The following DCUN1D4 variants were observed in gnomAD, a reference collection of about 807,000 sequenced individuals.
The protein encoded by DCUN1D4 is DCN1-like protein 4.
A neutral mutation model predicts 47.9 loss-of-function variants in DCUN1D4; 22 were observed. The ratio of observed to expected loss-of-function variants is 0.46; its 90% CI spans 0.33 to 0.66. The LOEUF is 0.66. Among genes scored for constraint, DCUN1D4 ranks in the 30% least tolerant of loss-of-function variants. The pLI, the probability that DCUN1D4 is intolerant of heterozygous loss-of-function variation, is 0.02. For synonymous variants in DCUN1D4, 121 were observed against 112.2 expected, an observed-to-expected ratio of 1.08 and a Z score of -0.50; for missense variants, 301 against 340.8, an observed-to-expected ratio of 0.88 and a Z score of 0.92.
chr4:51,900,565 A>C (rs1387314981), intron 8 of DCUN1D4, among the ~76,000 whole-genome samples: 1 of 152,154 alleles, frequency 6.6e-6, no homozygotes, highest in Non-Finnish European at 1.5e-5. Flanking sequence ...CTGTCTCTAT[A>C]CAAAACAAAT....
At chr4:51,854,273 G>A (rs1383197845) in intron 1 of DCUN1D4, among the ~76,000 whole-genome samples, 1 of 151,988 alleles carries the variant, frequency 6.6e-6, no homozygotes, top group Non-Finnish European at 1.5e-5. Flanking sequence ...ACTTTTTTAT[G>A]GTTTTGACAT....
upstream of DCUN1D4, chr4:51,842,928 C>T: frequency 1.5e-6 from 1 of 678,572 alleles, no homozygotes; most frequent in Non-Finnish European, 2.1e-6. Context: ...CCGGGCCCAA[C>T]CCGCTGCTCC....
intron 5 of DCUN1D4, among the ~76,000 whole-genome samples, chr4:51,882,159 A>G (rs1282817667): frequency 6.6e-6 from 1 of 152,230 alleles, no homozygotes; most frequent in Admixed American, 6.5e-5. Context: ...ACATGTATTT[A>G]TAAGTAGTAC....
At chr4:51,834,011 T>C in the DCUN1D4 span, among the ~76,000 whole-genome samples, 1 of 150,014 alleles carries the variant, frequency 6.7e-6, no homozygotes, top group Admixed American at 6.6e-5. Context: ...TTTTAGGTTT[T>C]GGTGTTGAGC....
intron 8 of DCUN1D4, among the ~76,000 whole-genome samples, chr4:51,906,162 G>A (rs559659451): frequency 1.3e-5 from 2 of 152,120 alleles, no homozygotes; most frequent in African/African-American, 4.8e-5. Flanking sequence ...CTTGTGGCAG[G>A]TTAGAGAGCA....
chr4:51,848,268 T>G (rs1014393296), intron 1 of DCUN1D4: 24 of 1,289,268 alleles, frequency 1.9e-5, no homozygotes, highest in Non-Finnish European at 2.4e-5. Flanking sequence ...GCTGGTGATG[T>G]GCTGAGGGAA....
chr4:51,913,515 C>G lies in DCUN1D4; in HGVS notation c.824-14C>G. ...TATTATTATTATTACTACTGTTTCT[C>G]TCTTTCTCTCCAGGGCCAGTTTTGT... On this transcript the variant is annotated splice_polypyrimidine_tract_variant and intron_variant, in intron 10 of 10. Transcript: ENST00000334635. 1 of 1,609,892 alleles carries G rather than the reference C, an allele frequency of 6.2e-7. No homozygotes were observed. The highest frequency in any genetic ancestry group is 1.3e-5 in the African/African-American group (1 of 74,894).
chr4:51,846,938 G>A (rs1228089719), intron 1 of DCUN1D4, among the ~76,000 whole-genome samples: 1 of 152,176 alleles, frequency 6.6e-6, no homozygotes, highest in Non-Finnish European at 1.5e-5. Context: ...GAAGGAAGGT[G>A]CATATTTCCT....
chr4:51,915,038 G>A lies in DCUN1D4; in HGVS notation c.*1454G>A, dbSNP rs1734196829. The A allele has an allele frequency of 6.6e-6, 1 of 152,380 alleles. No homozygotes were observed. Among genetic ancestry groups the A allele is most frequent in the African/African-American group, 2.4e-5 (1 of 41,400 alleles). 9.4% of individuals were successfully genotyped at this position (152,380 alleles called of 1,614,324 possible). A position where few individuals can be genotyped will look rare whatever the true frequency, so the allele number is the denominator to read the frequency against. ...TCCGTGATTTGAACATGTGATGACT[G>A]GAAAAAGGTTTGGGTTATTTGGAAC... On this transcript the variant is annotated 3_prime_UTR_variant, in exon 11 of 11. Transcript: ENST00000334635.
chr4:51,912,845 T>A (rs551977768), intron 9 of DCUN1D4, among the ~76,000 whole-genome samples: 1 of 152,242 alleles, frequency 6.6e-6, no homozygotes, highest in African/African-American at 2.4e-5. Context: ...TGGGCAGTGC[T>A]GGTTATGTCA....
At position 51,913,562 on chromosome 4, in the gene DCUN1D4, A is replaced by G. The variant is rs765661497; in HGVS notation, c.857A>G (p.Tyr286Cys). ...TTGTTGGACGAGTTTGTGGAGTGGTATAAAGACAAACAGATGTCCTAGGAC... is the reference window on the plus strand; with the variant it reads ...TTGTTGGACGAGTTTGTGGAGTGGTGTAAAGACAAACAGATGTCCTAGGAC... ...PVLLDEFVEW[Y>C]KDKQMS The change falls in exon 11 of 11, where the codon TAT (tyrosine) becomes TGT (cysteine). Residue 286 changes from tyrosine (Y) to cysteine (C), a missense_variant. By Grantham distance (194) the Tyr-to-Cys change is radical. Coordinates refer to ENST00000334635, the MANE Select transcript of DCUN1D4 (RefSeq NM_001040402.3). 3.1e-6 allele frequency: 5 copies of G among 1,612,962 alleles called. No individual in the cohort carries two copies. The highest frequency in any genetic ancestry group is 3.3e-5 in the Admixed American group (2 of 59,948).
chr4:51,842,959 G>A, upstream of DCUN1D4: 4 of 946,648 alleles, frequency 4.2e-6, no homozygotes, highest in East Asian at 3.4e-5. Flanking sequence ...CTCCGCCAGG[G>A]GCGTTACGGA....
chr4:51,912,151 A>C (rs888513782), intron 9 of DCUN1D4, among the ~76,000 whole-genome samples: 2 of 152,188 alleles, frequency 1.3e-5, no homozygotes, highest in Non-Finnish European at 2.9e-5. Flanking sequence ...ATGTTGACAT[A>C]TGGTCTGTTC....
At chr4:51,877,955 G>T (rs1483639719) in intron 5 of DCUN1D4, 101 bp downstream of exon 5, 3 of 349,626 alleles carry the variant, frequency 8.6e-6, no homozygotes, top group South Asian at 1.0e-4. Context: ...TCAAATTTGG[G>T]TGTGTGTGTG....
intron 1 of DCUN1D4, chr4:51,844,748 T>G: frequency 3.6e-6 from 3 of 825,462 alleles, no homozygotes; most frequent in Non-Finnish European, 4.4e-6. Flanking sequence ...TCAACGGGTA[T>G]GAAGGGGAAA....
At chr4:51,872,333 C>G (rs1174542726) in intron 3 of DCUN1D4, among the ~76,000 whole-genome samples, 1 of 152,218 alleles carries the variant, frequency 6.6e-6, no homozygotes, top group African/African-American at 2.4e-5. Context: ...ATTGACAGCT[C>G]TCTCTGCCTT....
chr4:51,848,520 T>C (rs934968977), intron 1 of DCUN1D4, among the ~76,000 whole-genome samples: 1 of 152,254 alleles, frequency 6.6e-6, no homozygotes, highest in Non-Finnish European at 1.5e-5. Flanking sequence ...TTTTCTTTGA[T>C]GAATCTGACA....
At chr4:51,840,188 T>C (rs1421964020), upstream of DCUN1D4, among the ~76,000 whole-genome samples, 1 of 152,072 alleles carries the variant, frequency 6.6e-6, no homozygotes, top group African/African-American at 2.4e-5. Context: ...AATATAAATG[T>C]ACAGAAGTAT....
At chr4:51,858,870 A>G (rs1482176639) in intron 1 of DCUN1D4, among the ~76,000 whole-genome samples, 1 of 152,244 alleles carries the variant, frequency 6.6e-6, no homozygotes, top group African/African-American at 2.4e-5. Context: ...ATGGCAGTGT[A>G]GTTGCAACAG....
Sources: allele counts gnomAD v4.1 joint callset (sites outside exome capture counted in the v4.1 genomes callset), GRCh38; gene constraint gnomAD v4.1.1; transcripts MANE v1.5; gene names NCBI Gene and HGNC (gene_info 2026-07-23, HGNC 2026-07-21).